Variants in PM20D2 observed in about 807,000 individuals in gnomAD.
PM20D2 encodes the protein peptidase M20 domain containing 2.
In PM20D2, 33 loss-of-function variants were observed where a neutral mutation model predicts 42.9. The ratio of observed to expected loss-of-function variants is 0.77; its 90% CI spans 0.58 to 1.03. The LOEUF (loss-of-function observed/expected upper bound fraction) is 1.03, where lower values mean the gene tolerates loss of function less well. Ranked by LOEUF, PM20D2 falls within the 50% of genes least tolerant of loss-of-function variation. PM20D2 has a pLI of 0.00. For synonymous variants in PM20D2, 250 were observed against 228.2 expected, an observed-to-expected ratio of 1.10 and a Z score of -0.86; for missense variants, 548 against 557.0, an observed-to-expected ratio of 0.98 and a Z score of 0.16.
Position 89,154,782 on chromosome 6 carries a change from C to A in PM20D2, c.792C>A (p.Ile264=), listed in dbSNP as rs140686408. The change falls in exon 4 of 7, where the codon ATC becomes ATA. Residue 264 remains isoleucine (I), a synonymous_variant. Transcript: ENST00000275072. ...IIKNGGVKPN[I]IPSYSELIYY... Reference sequence around the variant, plus strand: ...AAAATGGTGGTGTAAAACCCAATATCATTCCCTCTTATTCTGAATTAATCT... The same window carrying A: ...AAAATGGTGGTGTAAAACCCAATATAATTCCCTCTTATTCTGAATTAATCT... 1.3e-6 allele frequency: 2 copies of A among 1,574,392 alleles called. No individual in the cohort carries two copies. Among genetic ancestry groups the A allele is most frequent in the South Asian group, 1.2e-5 (1 of 84,296 alleles).
chr6:89,118,633 AT>A, the PM20D2 span, among the ~76,000 whole-genome samples: 1 of 152,010 alleles, frequency 6.6e-6, no homozygotes, highest in African/African-American at 2.4e-5. Context: ...ATTTTTAAGT[AT>A]TATATGATTC....
Position 89,146,469 on chromosome 6 carries a change from G to C in PM20D2, c.325G>C (p.Gly109Arg). The C allele has an allele frequency of 6.6e-7, 1 of 1,524,160 alleles. No homozygotes were observed. Among genetic ancestry groups the C allele is most frequent in the Non-Finnish European group, 8.7e-7 (1 of 1,143,118 alleles). 94.4% of individuals were successfully genotyped at this position (1,524,160 alleles called of 1,614,324 possible). A position where few individuals can be genotyped will look rare whatever the true frequency, so the allele number is the denominator to read the frequency against. Reference protein sequence around the residue: ...PSATPRPLHLGFLCEYDALPG... With the variant: ...PSATPRPLHLRFLCEYDALPG... The stretch of plus-strand genomic sequence containing the variant: ...CGCCACGCCACGCCCGCTGCACCTG[G>C]GCTTCCTCTGCGAGTACGACGCGCT... The change falls in exon 1 of 7, where the codon GGC (glycine) becomes CGC (arginine). Residue 109 changes from glycine to arginine, a missense_variant. By Grantham distance (125) the Gly-to-Arg change is moderately radical. Transcript: ENST00000275072.
the PM20D2 span, among the ~76,000 whole-genome samples, chr6:89,106,404 C>T: frequency 6.6e-6 from 1 of 152,172 alleles, no homozygotes; most frequent in South Asian, 2.1e-4. Context: ...TGAGCCACCG[C>T]ACCCAGCCAA....
the PM20D2 span, among the ~76,000 whole-genome samples, chr6:89,115,167 C>CG: frequency 6.6e-6 from 1 of 151,796 alleles, no homozygotes; most frequent in African/African-American, 2.4e-5. Flanking sequence ...ATGTGATCAT[C>CG]GTTCACTGTA....
In PM20D2 at chr6:89,158,243, T is replaced by A. The variant is rs144206266; in HGVS notation, c.913-82T>A. Reference sequence around the variant, plus strand: ...TATCTTCTCTTAAAACCTCTTCCTATTAGAGAACAATCACTGGTTTGAAAA... The same window carrying A: ...TATCTTCTCTTAAAACCTCTTCCTAATAGAGAACAATCACTGGTTTGAAAA... On this transcript the variant is annotated intron_variant, in intron 4 of 6. Transcript: ENST00000275072. 6,112 of 1,267,724 alleles carry A rather than the reference T, an allele frequency of 4.8e-3. 263 individuals are homozygous for A. The Admixed American group carries it at 0.09, about 19-fold the overall frequency. 78.5% of individuals were successfully genotyped at this position (1,267,724 alleles called of 1,614,324 possible).
the PM20D2 span, chr6:89,098,781 A>T: frequency 1.2e-6 from 2 of 1,613,792 alleles, no homozygotes; most frequent in Non-Finnish European, 1.7e-6. Context: ...CTTGACTGTG[A>T]TTTTCCTATT....
At position 89,163,952 on chromosome 6, in the gene PM20D2, C is replaced by T. The variant is rs2127783916; in HGVS notation, c.*1689C>T. 6.6e-6 allele frequency: 1 copy of T among 152,182 alleles called. No individual in the cohort carries two copies. The highest frequency in any genetic ancestry group is 1.9e-4 in the East Asian group (1 of 5,180). 9.4% of individuals were successfully genotyped at this position (152,182 alleles called of 1,614,324 possible). The stretch of plus-strand genomic sequence containing the variant: ...TTCTTTTTAGTGGCAATTTTAAAAG[C>T]AGGCCTTAATATGGGACCTGCTTTT... On this transcript the variant is annotated 3_prime_UTR_variant, in exon 7 of 7. Transcript: ENST00000275072.
rs1023173423 is a variant in PM20D2, at chr6:89,149,433, A to G, written c.614+20A>G. 3 of 1,611,886 alleles carry G rather than the reference A, an allele frequency of 1.9e-6. No individual in the cohort carries two copies. The highest frequency in any genetic ancestry group is 1.7e-6 in the Non-Finnish European group (2 of 1,178,958). ...ACATGAGTGAGTAATCAAGTTGAAG[A>G]TAAACTTCTTAGGGGAACACAGGCT... On this transcript the variant is annotated intron_variant, in intron 2 of 6. Coordinates refer to ENST00000275072, the MANE Select transcript of PM20D2 (RefSeq NM_001010853.3).
chr6:89,153,088 T>C lies in PM20D2; in HGVS notation c.660T>C (p.Tyr220=). The C allele has an allele frequency of 6.2e-7, 1 of 1,609,558 alleles. No homozygotes were observed. Among genetic ancestry groups the C allele is most frequent in the Non-Finnish European group, 8.5e-7 (1 of 1,176,664 alleles). Residue 220 remains tyrosine (Y), a synonymous_variant, in exon 3 of 7, where the codon TAT becomes TAC. Transcript: ENST00000275072. ...GAAAAGCATCTCATTCTGCTTCTTA[T>C]CCCTGGGAAGGATTAAATGCATTAG... is the stretch of plus-strand genomic sequence containing the variant. The part of the protein sequence containing the change: ...YYGKASHSAS[Y]PWEGLNALDA...
rs1771285196 is a variant in PM20D2 at position 89,162,679 on chromosome 6, A to C, written c.*416A>C. ...AACCTTATATTCAGAATTGACACCC[A>C]TGAGAGTGTTTTGTGGTATAGGGTG... is the stretch of plus-strand genomic sequence containing the variant. On this transcript the variant is annotated 3_prime_UTR_variant, in exon 7 of 7. Transcript: ENST00000275072. The C allele has an allele frequency of 6.4e-6, 1 of 156,886 alleles. No homozygotes were observed. Among genetic ancestry groups the C allele is most frequent in the African/African-American group, 2.4e-5 (1 of 41,494 alleles). The allele number at this position is 156,886 out of a possible 1,614,324, so 9.7% of individuals were successfully genotyped here.
the PM20D2 span, among the ~76,000 whole-genome samples, chr6:89,124,079 G>A: frequency 6.6e-6 from 1 of 152,140 alleles, no homozygotes; most frequent in African/African-American, 2.4e-5. Context: ...AATTCCAGCC[G>A]ATTACTTTTG....
the PM20D2 span, among the ~76,000 whole-genome samples, chr6:89,140,012 A>C: frequency 6.6e-6 from 1 of 152,216 alleles, no homozygotes; most frequent in African/African-American, 2.4e-5. Flanking sequence ...CCCAGCCATA[A>C]ACAAATTACA....
At chr6:89,139,779 G>A in the PM20D2 span, among the ~76,000 whole-genome samples, 1 of 152,198 alleles carries the variant, frequency 6.6e-6, no homozygotes, top group Non-Finnish European at 1.5e-5. Flanking sequence ...GGCAGGAAAG[G>A]AGAGATGAGT....
At chr6:89,118,139 G>T in the PM20D2 span, 1 of 151,870 alleles carries the variant, frequency 6.6e-6, no homozygotes, top group South Asian at 2.0e-4. Context: ...CCGAAGACAG[G>T]AGCGCGGCCG....
chr6:89,115,145 T>TG, the PM20D2 span, among the ~76,000 whole-genome samples: 142 of 152,188 alleles, frequency 9.3e-4, no homozygotes, highest in Non-Finnish European at 1.9e-4. Flanking sequence ...TCACCCAGGC[T>TG]GGAGTACAGT....
At chr6:89,123,449 A>G in the PM20D2 span, among the ~76,000 whole-genome samples, 5 of 152,212 alleles carry the variant, frequency 3.3e-5, no homozygotes, top group African/African-American at 4.8e-5. Context: ...AGCCAGGCAC[A>G]GTTGCTCATG....
intron 5 of PM20D2, among the ~76,000 whole-genome samples, chr6:89,160,050 G>GT (rs1043126981): frequency 7.9e-5 from 12 of 151,466 alleles, no homozygotes; most frequent in Admixed American, 2.0e-4. Context: ...TATGCAACAG[G>GT]TTTTTTTTTG....
chr6:89,146,727 T>C lies in PM20D2; in HGVS notation c.465+118T>C, dbSNP rs1399737987. ...GGTGCCCTCCCGCCCGGGGCAGGTG[T>C]GTGTGGGACCGCGCTAAACCTGCGG... is the stretch of plus-strand genomic sequence containing the variant. On this transcript the variant is annotated intron_variant, in intron 1 of 6. Coordinates refer to ENST00000275072, the MANE Select transcript of PM20D2 (RefSeq NM_001010853.3). The C allele has an allele frequency of 1.6e-5, 13 of 823,540 alleles. No individual in the cohort carries two copies. In the East Asian group the frequency reaches 3.9e-4, roughly 25 times the overall value. 51.0% of individuals were successfully genotyped at this position (823,540 alleles called of 1,614,324 possible).
chr6:89,118,289 A>T, the PM20D2 span, among the ~76,000 whole-genome samples: 1 of 152,174 alleles, frequency 6.6e-6, no homozygotes, highest in South Asian at 2.1e-4. Flanking sequence ...GCCGGGGGTT[A>T]GAGGACCCAG....
Sources: gnomAD v4.1 joint callset for allele counts (sites outside exome capture counted in the v4.1 genomes callset) on GRCh38, gnomAD v4.1.1 for gene constraint, MANE v1.5 for transcripts, NCBI Gene and HGNC (gene_info 2026-07-23, HGNC 2026-07-21) for gene names.